The following FGF14 variants were observed in gnomAD, a reference collection of about 807,000 sequenced individuals.
FGF14 encodes fibroblast growth factor homologous factor 4.
Under a neutral mutation model 25.5 loss-of-function variants are expected in FGF14, and 5 were observed. The observed-to-expected ratio is 0.20, with a 90% CI of 0.10 to 0.41. FGF14 has a LOEUF of 0.41. Ranked by LOEUF, FGF14 falls within the 10% of genes least tolerant of loss-of-function variation. FGF14 has a pLI of 1.00. For synonymous variants in FGF14, 138 were observed against 118.3 expected, an observed-to-expected ratio of 1.17 and a Z score of -1.08; for missense variants, 222 against 320.1, an observed-to-expected ratio of 0.69 and a Z score of 2.34.
intron 1 of FGF14, among the ~76,000 whole-genome samples, chr13:102,026,797 T>C (rs1361149423): frequency 6.6e-6 from 1 of 151,984 alleles, no homozygotes; most frequent in Non-Finnish European, 1.5e-5. Flanking sequence ...TCTGAGTCAT[T>C]ATTTACATAA....
At chr13:102,297,993 G>A (rs759207580) in intron 1 of FGF14, among the ~76,000 whole-genome samples, 5 of 152,032 alleles carry the variant, frequency 3.3e-5, no homozygotes. Flanking sequence ...CCGTAATTTT[G>A]TTTATACACA....
Position 102,372,038 on chromosome 13 carries a change from T to A in FGF14, c.208+29433A>T, listed in dbSNP as rs567978285. On this transcript the variant is annotated intron_variant, in intron 1 of 4. Transcript: ENST00000376131. ...GTAGGAAGATGTTCTTCTATCTGGA[T>A]CATCGTCTACTTTTCTTTATTGATA... 7.2e-5 allele frequency among the ~76,000 whole-genome samples: 11 copies of A among 152,302 alleles called. No homozygotes were observed. The East Asian group carries it at 2.1e-3, about 29-fold the overall frequency.
At chr13:102,356,116 A>C (rs2057411443) in intron 1 of FGF14, among the ~76,000 whole-genome samples, 1 of 152,250 alleles carries the variant, frequency 6.6e-6, no homozygotes, top group African/African-American at 2.4e-5. Flanking sequence ...TTTTAAGTGG[A>C]GAATTGGAGA....
chr13:102,259,476 G>C (rs2052610872), intron 1 of FGF14, among the ~76,000 whole-genome samples: 1 of 152,110 alleles, frequency 6.6e-6, no homozygotes, highest in African/African-American at 2.4e-5. Flanking sequence ...TGGTTCTCCA[G>C]TCCCTGTTAG....
At chr13:102,353,582 C>A (rs2057346349) in intron 1 of FGF14, among the ~76,000 whole-genome samples, 1 of 152,200 alleles carries the variant, frequency 6.6e-6, no homozygotes, top group Admixed American at 6.5e-5. Context: ...CTTTTCACAC[C>A]TCCAGTCCTC....
chr13:101,895,923 C>T (rs1422974275), intron 1 of FGF14, among the ~76,000 whole-genome samples: 1 of 152,144 alleles, frequency 6.6e-6, no homozygotes, highest in Non-Finnish European at 1.5e-5. Flanking sequence ...ATCTGGTAAT[C>T]AGGAATTTCT....
intron 1 of FGF14, among the ~76,000 whole-genome samples, chr13:101,912,786 T>C (rs977011236): frequency 5.3e-5 from 8 of 152,196 alleles, no homozygotes; most frequent in African/African-American, 1.7e-4. Flanking sequence ...TTTTTATGTC[T>C]AAAATTATCT....
At chr13:102,206,809 C>T (rs1243968404) in intron 1 of FGF14, among the ~76,000 whole-genome samples, 1 of 152,152 alleles carries the variant, frequency 6.6e-6, no homozygotes, top group Non-Finnish European at 1.5e-5. Context: ...ATCCTTTAGG[C>T]TTTTCATGCC....
At chr13:102,083,960 G>A (rs2043764526) in intron 1 of FGF14, among the ~76,000 whole-genome samples, 1 of 152,088 alleles carries the variant, frequency 6.6e-6, no homozygotes, top group Admixed American at 6.6e-5. Context: ...TATCCTTGAA[G>A]GCCCTATAAG....
chr13:101,800,393 A>G (rs959878410), intron 3 of FGF14, among the ~76,000 whole-genome samples: 1 of 152,192 alleles, frequency 6.6e-6, no homozygotes, highest in Admixed American at 6.6e-5. Context: ...TACATGTGTA[A>G]TAATGTGATA....
chr13:102,372,628 G>A (rs1233526345), intron 1 of FGF14, among the ~76,000 whole-genome samples: 1 of 151,720 alleles, frequency 6.6e-6, no homozygotes, highest in East Asian at 1.9e-4. Context: ...AACTCATTTT[G>A]GTAAAGGAAC....
At chr13:102,222,895 G>T (rs1566833370) in intron 1 of FGF14, among the ~76,000 whole-genome samples, 1 of 152,148 alleles carries the variant, frequency 6.6e-6, no homozygotes, top group Non-Finnish European at 1.5e-5. Flanking sequence ...CCAGGTCAAG[G>T]CCTCCATTAA....
intron 1 of FGF14, among the ~76,000 whole-genome samples, chr13:102,253,336 T>C (rs2052282448): frequency 6.6e-6 from 1 of 152,194 alleles, no homozygotes; most frequent in East Asian, 1.9e-4. Context: ...CATCTGTTGT[T>C]TCCTGACTTT....
At chr13:101,944,425 C>G (rs79056575) in intron 1 of FGF14, among the ~76,000 whole-genome samples, 3,032 of 152,146 alleles carry the variant, frequency 0.02, 120 homozygotes, top group African/African-American at 0.07. Flanking sequence ...CCTTCCCAAA[C>G]CAAATCCAAT....
chr13:102,109,991 G>A (rs1853940421), intron 1 of FGF14, among the ~76,000 whole-genome samples: 2 of 152,186 alleles, frequency 1.3e-5, no homozygotes, highest in South Asian at 4.1e-4. Context: ...ATACTGGAAA[G>A]AGACAAATAG....
chr13:102,207,062 G>A (rs1195381395), intron 1 of FGF14, among the ~76,000 whole-genome samples: 3 of 151,964 alleles, frequency 2.0e-5, no homozygotes, highest in East Asian at 1.9e-4. Context: ...TAGGCAGATC[G>A]TGAGGCCAAG....
intron 1 of FGF14, among the ~76,000 whole-genome samples, chr13:101,967,421 A>G (rs951544951): frequency 3.3e-5 from 5 of 152,232 alleles, no homozygotes; most frequent in Non-Finnish European, 7.3e-5. Flanking sequence ...ATGTGTACCA[A>G]TATCAGTTTC....
upstream of FGF14, among the ~76,000 whole-genome samples, chr13:101,921,856 C>G (rs2034028718): frequency 1.3e-5 from 2 of 152,190 alleles, no homozygotes. Context: ...TTCCTCACAT[C>G]TTTGCTCATA....
intron 1 of FGF14, among the ~76,000 whole-genome samples, chr13:102,214,287 T>C (rs2050277867): frequency 6.6e-6 from 1 of 152,276 alleles, no homozygotes; most frequent in Non-Finnish European, 1.5e-5. Flanking sequence ...TGAAATGTTG[T>C]CATTTTTTAA....
Sources: gnomAD v4.1 joint callset for allele counts (sites outside exome capture counted in the v4.1 genomes callset) on GRCh38, gnomAD v4.1.1 for gene constraint, MANE v1.5 for transcripts, NCBI Gene and HGNC (gene_info 2026-07-23, HGNC 2026-07-21) for gene names.